The following PCDHA2 variants were observed in gnomAD, a reference collection of about 807,000 sequenced individuals.
PCDHA2 encodes the protein protocadherin alpha 2.
Under a neutral mutation model 66.0 loss-of-function variants are expected in PCDHA2, and 58 were observed. The observed-to-expected ratio is 0.88, with a 90% CI of 0.71 to 1.09. PCDHA2 has a LOEUF of 1.09. Ranked by LOEUF, PCDHA2 falls within the 50% of genes least tolerant of loss-of-function variation. The pLI is 0.00. For synonymous variants in PCDHA2, 634 were observed against 554.0 expected (o/e 1.14, Z -2.03); for missense variants, 1,267 against 1,242.3 (o/e 1.02, Z -0.30).
intron 1 of PCDHA2, chr5:140,828,576 T>A (rs1769834472): frequency 1.2e-6 from 2 of 1,614,230 alleles, no homozygotes; most frequent in Non-Finnish European, 1.7e-6. Flanking sequence ...GATGCAGATG[T>A]TGGCTCAAAT....
At chr5:140,832,340 G>T (rs2150201175) in intron 1 of PCDHA2, among the ~76,000 whole-genome samples, 2 of 152,234 alleles carry the variant, frequency 1.3e-5, no homozygotes, top group African/African-American at 4.8e-5. Flanking sequence ...ACTGAGTTGT[G>T]GTTTGTGTTT....
intron 1 of PCDHA2, chr5:140,803,345 G>A: frequency 1.2e-6 from 2 of 1,614,192 alleles, no homozygotes; most frequent in South Asian, 2.2e-5. Context: ...TCACACTGCT[G>A]CTATATACTG....
In PCDHA2 at chr5:140,823,211, G is replaced by A. The variant is rs2150123519; in HGVS notation, c.2388+25859G>A. The A allele has an allele frequency of 1.9e-5, 30 of 1,613,796 alleles. 2 individuals carry two copies. The South Asian group carries it at 2.7e-4, about 15-fold the overall frequency. ...TGCCACATCTTCACGGTGTCTGCAC[G>A]GGACGCGGACGCGCAGGAGAACGCC... On this transcript the variant is annotated intron_variant, in intron 1 of 3. Transcript: ENST00000526136.
intron 1 of PCDHA2, among the ~76,000 whole-genome samples, chr5:140,969,822 G>C (rs559271640): frequency 2.0e-5 from 3 of 152,202 alleles, no homozygotes; most frequent in Non-Finnish European, 4.4e-5. Context: ...ACTCTGGACT[G>C]TCTACAGTGG....
chr5:140,827,592 C>T (rs1191123188), intron 1 of PCDHA2, among the ~76,000 whole-genome samples: 2 of 152,162 alleles, frequency 1.3e-5, no homozygotes, highest in African/African-American at 4.8e-5. Context: ...CTAGGAAAGA[C>T]AGATGTGGGC....
At chr5:140,952,445 G>A (rs1187543872) in intron 1 of PCDHA2, among the ~76,000 whole-genome samples, 1 of 152,002 alleles carries the variant, frequency 6.6e-6, no homozygotes, top group Non-Finnish European at 1.5e-5. Flanking sequence ...GCATAATACA[G>A]CCAGGCTCTT....
Position 140,953,715 on chromosome 5 carries a change from A to T in PCDHA2, c.2389-25234A>T, listed in dbSNP as rs535385036. Among the ~76,000 whole-genome samples the T allele has an allele frequency of 2.6e-5, 4 of 152,312 alleles. No homozygotes were observed. The South Asian group carries it at 6.2e-4, about 24-fold the overall frequency. On this transcript the variant is annotated intron_variant, in intron 1 of 3. Transcript: ENST00000526136. ...TGATCTACTAGACTGAGCTTCAGAC[A>T]TTGTGTTTTGAAATTTTTGCTTAAC...
At chr5:140,833,958 A>G (rs1772734204) in intron 1 of PCDHA2, among the ~76,000 whole-genome samples, 1 of 152,116 alleles carries the variant, frequency 6.6e-6, no homozygotes, top group African/African-American at 2.4e-5. Flanking sequence ...TTTATTTAAA[A>G]CTGTGTGAAA....
intron 1 of PCDHA2, among the ~76,000 whole-genome samples, chr5:140,955,906 G>T (rs1044355938): frequency 2.0e-5 from 3 of 152,040 alleles, no homozygotes; most frequent in East Asian, 3.9e-4. Flanking sequence ...TCTCTTTGTA[G>T]CAATTGTGAA....
Position 140,880,781 on chromosome 5 carries a change from G to C in PCDHA2, c.2388+83429G>C, listed in dbSNP as rs575201091. Reference sequence around the variant, plus strand: ...GTGTTGGAGGCTAAAAAGAATGTTAGAGGAGTAATATAAATAGGTGAATGA... The same window carrying C: ...GTGTTGGAGGCTAAAAAGAATGTTACAGGAGTAATATAAATAGGTGAATGA... On this transcript the variant is annotated intron_variant, in intron 1 of 3. Transcript: ENST00000526136. Among the ~76,000 whole-genome samples the C allele has an allele frequency of 5.9e-5, 9 of 152,346 alleles. No homozygotes were observed. In the East Asian group the frequency reaches 1.3e-3, roughly 23 times the overall value.
intron 1 of PCDHA2, chr5:140,926,624 G>A (rs2083414676): frequency 5.0e-6 from 2 of 400,148 alleles, no homozygotes; most frequent in Admixed American, 8.6e-5. Context: ...CCTAGGCGGC[G>A]CTGCGCTCCT....
At chr5:140,927,201 C>T (rs1330352185) in intron 1 of PCDHA2, 7 of 1,614,032 alleles carry the variant, frequency 4.3e-6, no homozygotes, top group Non-Finnish European at 5.1e-6. Flanking sequence ...TGCTCGAGGA[C>T]CCGCTGGAGC....
intron 1 of PCDHA2, among the ~76,000 whole-genome samples, chr5:140,957,828 G>A (rs554121251): frequency 6.0e-5 from 9 of 150,668 alleles, no homozygotes; most frequent in Non-Finnish European, 1.2e-4. Context: ...AAGAGAAAGT[G>A]TTAATTGATT....
chr5:140,852,580 TTA>T, intron 1 of PCDHA2: 5 of 841,004 alleles, frequency 5.9e-6, no homozygotes, highest in South Asian at 5.3e-5. Context: ...CAAGGCTTTT[TTA>T]TTTTTTTTTT....
chr5:140,803,574 G>C (rs1306203317), intron 1 of PCDHA2: 1 of 1,614,224 alleles, frequency 6.2e-7, no homozygotes, highest in Admixed American at 1.7e-5. Context: ...GGATGTGGAC[G>C]TTGATCTCTC....
At chr5:140,841,928 G>C in intron 1 of PCDHA2, 1 of 1,613,910 alleles carries the variant, frequency 6.2e-7, no homozygotes, top group Non-Finnish European at 8.5e-7. Context: ...CTTGGACAGA[G>C]AGGACGCTCC....
chr5:140,800,848 A>T, intron 1 of PCDHA2: 1 of 216,888 alleles, frequency 4.6e-6, no homozygotes, highest in Non-Finnish European at 8.9e-6. Flanking sequence ...GTGAATTAGT[A>T]TAAAAGTTCT....
intron 1 of PCDHA2, chr5:140,869,216 A>C: frequency 6.2e-7 from 1 of 1,613,836 alleles, no homozygotes; most frequent in South Asian, 1.1e-5. Flanking sequence ...GTCTCGGAGG[A>C]GGCCAAACAC....
rs2150408598 is a variant in PCDHA2, at chr5:140,848,320, T to A, written c.2388+50968T>A. The A allele has an allele frequency of 6.9e-5, 53 of 763,546 alleles. 1 individual carries two copies. The highest frequency in any genetic ancestry group is 1.0e-4 in the Non-Finnish European group (48 of 466,870). 47.3% of individuals were successfully genotyped at this position (763,546 alleles called of 1,614,324 possible). A position where few individuals can be genotyped will look rare whatever the true frequency, so the allele number is the denominator to read the frequency against. ...CGTGATGTCACTCTTTGCCGCGATG[T>A]TCTCTCTGAATCCAGACAAATACAG... is the stretch of plus-strand genomic sequence containing the variant. On this transcript the variant is annotated intron_variant, in intron 1 of 3. Transcript: ENST00000526136.
Sources: gnomAD v4.1 joint callset for allele counts (sites outside exome capture counted in the v4.1 genomes callset) on GRCh38, gnomAD v4.1.1 for gene constraint, MANE v1.5 for transcripts, NCBI Gene and HGNC (gene_info 2026-07-23, HGNC 2026-07-21) for gene names.